The following RBPJ variants were observed in gnomAD, a reference collection of about 807,000 sequenced individuals.
RBPJ encodes the protein recombination signal binding protein for immunoglobulin kappa J region.
A neutral mutation model predicts 67.8 loss-of-function variants in RBPJ; 9 were observed. The observed-to-expected ratio is 0.13, with a 90% CI of 0.08 to 0.23. RBPJ has a LOEUF of 0.23. Ranked by LOEUF, RBPJ falls within the 10% of genes least tolerant of loss-of-function variation. The pLI, the probability that RBPJ is intolerant of heterozygous loss-of-function variation, is 1.00. For synonymous variants in RBPJ, 198 were observed against 203.3 expected (o/e 0.97, Z 0.22); for missense variants, 305 against 595.6 (o/e 0.51, Z 5.08).
chr4:26,292,932 C>G (rs1236472919), intron 1 of RBPJ, among the ~76,000 whole-genome samples: 1 of 150,622 alleles, frequency 6.6e-6, no homozygotes, highest in Non-Finnish European at 1.5e-5. Flanking sequence ...CATGGGCATG[C>G]AGATATCACT....
the RBPJ span, among the ~76,000 whole-genome samples, chr4:26,139,322 G>A: frequency 1.3e-5 from 2 of 152,208 alleles, no homozygotes; most frequent in African/African-American, 4.8e-5. Context: ...GAGCTCCTTC[G>A]TTATTTATTG....
At chr4:26,183,484 G>A (rs752073819) in intron 1 of RBPJ, among the ~76,000 whole-genome samples, 2 of 152,196 alleles carry the variant, frequency 1.3e-5, no homozygotes, top group Non-Finnish European at 2.9e-5. Flanking sequence ...CATGCCATTC[G>A]TAGGGCCTGA....
At chr4:26,268,669 T>G (rs1242026330) in intron 1 of RBPJ, among the ~76,000 whole-genome samples, 1 of 152,152 alleles carries the variant, frequency 6.6e-6, no homozygotes, top group African/African-American at 2.4e-5. Context: ...AACCTTTTTT[T>G]TTTTCCTCTC....
intron 1 of RBPJ, among the ~76,000 whole-genome samples, chr4:26,286,394 G>A (rs1051867839): frequency 1.4e-5 from 2 of 145,558 alleles, no homozygotes; most frequent in Non-Finnish European, 3.0e-5. Context: ...GATCACATGA[G>A]CCAAAGAAAT....
At chr4:26,335,782 C>T (rs184878990) in intron 1 of RBPJ, among the ~76,000 whole-genome samples, 6 of 151,780 alleles carry the variant, frequency 4.0e-5, no homozygotes, top group Non-Finnish European at 5.9e-5. Flanking sequence ...CACCTACGCC[C>T]GGCTAATTTT....
At chr4:26,249,486 C>G (rs374903088) in intron 1 of RBPJ, among the ~76,000 whole-genome samples, 2 of 151,984 alleles carry the variant, frequency 1.3e-5, no homozygotes, top group African/African-American at 4.8e-5. Context: ...ATGGTGAAAC[C>G]CTGTCTCTAC....
chr4:26,194,508 A>G (rs190042503), intron 1 of RBPJ, among the ~76,000 whole-genome samples: 1 of 152,352 alleles, frequency 6.6e-6, no homozygotes, highest in East Asian at 1.9e-4. Flanking sequence ...AGGTTCATGA[A>G]GATGAAATAA....
the RBPJ span, among the ~76,000 whole-genome samples, chr4:26,125,332 G>A: frequency 6.6e-6 from 1 of 152,212 alleles, no homozygotes; most frequent in South Asian, 2.1e-4. Context: ...GGAAGTGGAT[G>A]GAGCCAGCCT....
At chr4:26,129,132 A>G in the RBPJ span, among the ~76,000 whole-genome samples, 8 of 152,348 alleles carry the variant, frequency 5.3e-5, no homozygotes, top group African/African-American at 1.4e-4. Context: ...TATTAGTTCA[A>G]TGAGGGAGTC....
Sources: allele counts gnomAD v4.1 joint callset (sites outside exome capture counted in the v4.1 genomes callset), GRCh38; gene constraint gnomAD v4.1.1; transcripts MANE v1.5; gene names NCBI Gene and HGNC (gene_info 2026-07-23, HGNC 2026-07-21).